Variants in NLN observed in about 807,000 individuals in gnomAD.
NLN encodes neurolysin.
A neutral mutation model predicts 79.9 loss-of-function variants in NLN; 64 were observed. The ratio of observed to expected loss-of-function variants is 0.80; its 90% CI spans 0.65 to 0.99. The LOEUF is 0.99. NLN is among the 50% of genes least tolerant of loss of function. The pLI, the probability that NLN is intolerant of heterozygous loss-of-function variation, is 0.00. For missense variants in NLN, 835 were observed against 858.7 expected, an observed-to-expected ratio of 0.97 and a Z score of 0.34; for synonymous variants, 267 against 296.6, an observed-to-expected ratio of 0.90 and a Z score of 1.02.
chr5:65,780,527 CTT>C (rs879391184), intron 5 of NLN, among the ~76,000 whole-genome samples: 2 of 146,044 alleles, frequency 1.4e-5, no homozygotes, highest in African/African-American at 5.0e-5. Flanking sequence ...ACTTAATAAT[CTT>C]TTTTTTTTTT....
intron 3 of NLN, among the ~76,000 whole-genome samples, chr5:65,771,522 T>G (rs1444147303): frequency 6.6e-6 from 1 of 152,236 alleles, no homozygotes; most frequent in African/African-American, 2.4e-5. Context: ...AGTGATCTAT[T>G]GTAATATTGT....
At position 65,809,527 on chromosome 5, in the gene NLN, C is replaced by T. The variant is rs202182856; in HGVS notation, c.1540C>T (p.Arg514Ter). The T allele has an allele frequency of 5.6e-6, 9 of 1,595,944 alleles. No individual in the cohort carries two copies. Among genetic ancestry groups the T allele is most frequent in the Middle Eastern group, 1.7e-4 (1 of 6,006 alleles). Reference protein sequence around the residue: ...HQICAQTDFARFSGTNVETDF... With the variant: ...HQICAQTDFA ...GTTTGCTTTCTAGACTGATTTTGCA[C>T]GATTTAGCGGAACAAATGTGGAAAC... The change falls in exon 10 of 13, where the codon CGA becomes TGA. Residue 514 changes from arginine (R) to a stop codon, truncating the protein, a stop_gained. Transcript: ENST00000380985. LOFTEE classifies it high-confidence loss of function.
chr5:65,786,021 GAGA>G (rs2150760182), intron 7 of NLN, 111 bp downstream of exon 7: 1 of 953,522 alleles, frequency 1.0e-6, no homozygotes, highest in East Asian at 2.5e-5. Context: ...CTTCATTTGA[GAGA>G]AGTATATTGA....
intron 3 of NLN, among the ~76,000 whole-genome samples, chr5:65,775,218 G>T (rs1327248161): frequency 6.6e-6 from 1 of 152,190 alleles, no homozygotes; most frequent in African/African-American, 2.4e-5. Flanking sequence ...TGATATGGCA[G>T]ATTGCAGTCT....
chr5:65,733,717 G>C (rs1255598215), intron 1 of NLN: 16 of 1,267,002 alleles, frequency 1.3e-5, no homozygotes, highest in Non-Finnish European at 1.8e-5. Flanking sequence ...TAAAATCTAG[G>C]ACACAGGTGC....
At chr5:65,790,005 A>G (rs1760020993) in intron 8 of NLN, among the ~76,000 whole-genome samples, 1 of 152,206 alleles carries the variant, frequency 6.6e-6, no homozygotes, top group South Asian at 2.1e-4. Flanking sequence ...TATATGTGCA[A>G]ATCATCTTCC....
intron 1 of NLN, among the ~76,000 whole-genome samples, chr5:65,749,536 G>C (rs923284811): frequency 2.6e-5 from 4 of 152,164 alleles, no homozygotes; most frequent in Admixed American, 2.6e-4. Context: ...GAGGATGTAG[G>C]GTAGGGGGTT....
At chr5:65,782,271 G>C (rs955577918) in intron 6 of NLN, among the ~76,000 whole-genome samples, 3 of 152,136 alleles carry the variant, frequency 2.0e-5, no homozygotes, top group Non-Finnish European at 4.4e-5. Context: ...TATCTTGGGG[G>C]ACTGCTGGTC....
chr5:65,818,934 C>T (rs1278920457), intron 12 of NLN: 1 of 152,178 alleles, frequency 6.6e-6, no homozygotes, highest in African/African-American at 2.4e-5. Context: ...CAATCTGTTT[C>T]CCATTTATAT....
At chr5:65,813,962 A>G (rs1178666823) in intron 12 of NLN, among the ~76,000 whole-genome samples, 3 of 151,900 alleles carry the variant, frequency 2.0e-5, no homozygotes, top group Admixed American at 6.6e-5. Flanking sequence ...GAGTACCTTC[A>G]TCTTTCTTTC....
rs1354295026 is a variant in NLN, at chr5:65,781,309, A to AC, written c.711dup (p.Lys238GlnfsTer3). On this transcript the variant is annotated frameshift_variant, in exon 6 of 13. Transcript: ENST00000380985. LOFTEE classifies it high-confidence loss of function. Reference sequence around the variant, plus strand: ...GACAGTTTAGAAAAGACAGATGATGACAAGTATAAAATTACCTTAAAATAT... The same window carrying AC: ...GACAGTTTAGAAAAGACAGATGATGACCAAGTATAAAATTACCTTAAAATAT... 13 of 1,607,298 alleles carry AC rather than the reference A, an allele frequency of 8.1e-6. No homozygotes were observed. The highest frequency in any genetic ancestry group is 1.1e-5 in the Non-Finnish European group (13 of 1,174,010).
rs1358855291 is a variant in NLN at position 65,777,522 on chromosome 5, A to G, written c.546A>G (p.Glu182=). 9 of 1,591,074 alleles carry G rather than the reference A, an allele frequency of 5.7e-6. No homozygotes were observed. The Admixed American group carries it at 1.0e-4, about 18-fold the overall frequency. Residue 182 remains glutamate (E), a synonymous_variant, in exon 4 of 13, where the codon GAA becomes GAG. Coordinates refer to ENST00000380985, the MANE Select transcript of NLN (RefSeq NM_020726.5). ...MGKRNGLHLP[E]QVQNEIKSMK... ...AAAGAAATGGGCTCCATCTTCCTGA[A>G]CAAGTACAGAATGTGAGTTTATGTT...
At chr5:65,803,042 A>C (rs1760324326) in intron 9 of NLN, among the ~76,000 whole-genome samples, 1 of 152,166 alleles carries the variant, frequency 6.6e-6, no homozygotes, top group Admixed American at 6.5e-5. Context: ...GGTTGTCCTG[A>C]CATCAGCTCA....
chr5:65,767,612 T>C (rs184703597), intron 3 of NLN, among the ~76,000 whole-genome samples: 4 of 152,374 alleles, frequency 2.6e-5, no homozygotes, highest in Admixed American at 6.5e-5. Flanking sequence ...TTGTTACTTA[T>C]GCAAATTTCT....
intron 5 of NLN, among the ~76,000 whole-genome samples, chr5:65,780,671 T>TTTTCTTTTC (rs1759781562): frequency 2.0e-5 from 3 of 152,122 alleles, no homozygotes; most frequent in Non-Finnish European, 4.4e-5. Flanking sequence ...GTCTTTTTTC[T>TTTTCTTTTC]TTTCTTTTCT....
chr5:65,818,696 T>G (rs1300604680), intron 12 of NLN: 1 of 152,274 alleles, frequency 6.6e-6, no homozygotes, highest in African/African-American at 2.4e-5. Context: ...AGGAGAGGTT[T>G]CAAAGTCCAG....
chr5:65,746,861 G>C (rs1012829866), intron 1 of NLN, among the ~76,000 whole-genome samples: 2 of 152,004 alleles, frequency 1.3e-5, no homozygotes, highest in Non-Finnish European at 2.9e-5. Context: ...AAAATTAGCC[G>C]GGCGTGGTGG....
chr5:65,737,878 C>G (rs761775418), intron 1 of NLN, among the ~76,000 whole-genome samples: 6 of 152,134 alleles, frequency 3.9e-5, no homozygotes, highest in Non-Finnish European at 7.4e-5. Context: ...CTCTTGTAAT[C>G]CCGGCACTTT....
chr5:65,806,324 G>C (rs972167782), intron 9 of NLN, among the ~76,000 whole-genome samples: 2 of 152,210 alleles, frequency 1.3e-5, no homozygotes, highest in African/African-American at 4.8e-5. Flanking sequence ...TCTTGGCAAA[G>C]TACATTGACA....
Sources: allele counts gnomAD v4.1 joint callset (sites outside exome capture counted in the v4.1 genomes callset), GRCh38; gene constraint gnomAD v4.1.1; transcripts MANE v1.5; gene names NCBI Gene and HGNC (gene_info 2026-07-23, HGNC 2026-07-21).